The following CAMKMT variants were observed in gnomAD, a reference collection of about 807,000 sequenced individuals.
CAMKMT encodes the protein CaM KMT.
A neutral mutation model predicts 48.0 loss-of-function variants in CAMKMT; 53 were observed. That is an observed-to-expected ratio of 1.10 (90% CI 0.89 to 1.39). CAMKMT has a LOEUF of 1.39. CAMKMT is among the 40% of genes most tolerant of loss of function. CAMKMT has a pLI of 0.00. For synonymous variants in CAMKMT, 165 were observed against 152.3 expected (o/e 1.08, Z -0.61); for missense variants, 428 against 402.7 (o/e 1.06, Z -0.54).
At chr2:44,598,896 A>C (rs193260570) in intron 3 of CAMKMT, among the ~76,000 whole-genome samples, 4 of 151,776 alleles carry the variant, frequency 2.6e-5, no homozygotes, top group African/African-American at 9.7e-5. Flanking sequence ...CAAGTTGCTA[A>C]CTGGAATTGC....
At chr2:44,585,020 A>C (rs1558721747) in intron 3 of CAMKMT, among the ~76,000 whole-genome samples, 1 of 151,562 alleles carries the variant, frequency 6.6e-6, no homozygotes, top group Non-Finnish European at 1.5e-5. Context: ...GCACCACTGC[A>C]CTCCAGCCTG....
chr2:44,648,246 G>A (rs1219969366), intron 3 of CAMKMT, among the ~76,000 whole-genome samples: 1 of 152,040 alleles, frequency 6.6e-6, no homozygotes, highest in Non-Finnish European at 1.5e-5. Flanking sequence ...AGCTCTGGAA[G>A]GCCCACCTAA....
intron 3 of CAMKMT, among the ~76,000 whole-genome samples, chr2:44,575,450 C>G (rs1361444435): frequency 1.3e-5 from 2 of 151,996 alleles, no homozygotes; most frequent in Non-Finnish European, 2.9e-5. Flanking sequence ...TAGGTCTTGC[C>G]CATTGTTGTT....
chr2:44,412,789 A>G (rs1683298252), intron 3 of CAMKMT, among the ~76,000 whole-genome samples: 1 of 151,912 alleles, frequency 6.6e-6, no homozygotes, highest in African/African-American at 2.4e-5. Context: ...GTTTAAAAAT[A>G]AAGAGGCTGG....
At chr2:44,483,180 C>T (rs1669058824) in intron 3 of CAMKMT, among the ~76,000 whole-genome samples, 1 of 152,156 alleles carries the variant, frequency 6.6e-6, no homozygotes, top group African/African-American at 2.4e-5. Flanking sequence ...ATAGATATGT[C>T]ACCCTCAGTC....
chr2:44,509,288 CA>C (rs564572087), intron 3 of CAMKMT, among the ~76,000 whole-genome samples: 86 of 150,782 alleles, frequency 5.7e-4, no homozygotes, highest in African/African-American at 2.0e-3. Flanking sequence ...TAGACTATTA[CA>C]AAAAAAAAGT....
In CAMKMT at chr2:44,593,997, A is replaced by G. The variant is rs994549036; in HGVS notation, c.377-110286A>G. Among the ~76,000 whole-genome samples, 7 of 152,048 alleles carry G rather than the reference A, an allele frequency of 4.6e-5. No homozygotes were observed. The South Asian group carries it at 6.2e-4, about 14-fold the overall frequency. ...AGGCTGGTCTCGAACTCCCCACCTC[A>G]GGTGATCTGCCCACCTCAGCCTCCA... On this transcript the variant is annotated intron_variant, in intron 3 of 10. Coordinates refer to ENST00000378494, the MANE Select transcript of CAMKMT (RefSeq NM_024766.5).
At chr2:44,641,259 A>C (rs1673435754) in intron 3 of CAMKMT, among the ~76,000 whole-genome samples, 1 of 152,162 alleles carries the variant, frequency 6.6e-6, no homozygotes, top group African/African-American at 2.4e-5. Flanking sequence ...AGATTCTAGC[A>C]TAGATGACCT....
chr2:44,390,240 G>T lies in CAMKMT; in HGVS notation c.312-1G>T. The T allele has an allele frequency of 6.2e-7, 1 of 1,603,652 alleles. No individual in the cohort carries two copies. Among genetic ancestry groups the T allele is most frequent in the Non-Finnish European group, 8.5e-7 (1 of 1,176,486 alleles). The stretch of plus-strand genomic sequence containing the variant: ...AAAGCAAACGCTTTACTCCTTTCTA[G>T]GCATAATAGTGGATCCTTGAATGTT... On this transcript the variant is annotated splice_acceptor_variant, in intron 2 of 10. Coordinates refer to ENST00000378494, the MANE Select transcript of CAMKMT (RefSeq NM_024766.5). LOFTEE classifies it high-confidence loss of function.
chr2:44,688,538 A>G (rs1264583972), intron 3 of CAMKMT, among the ~76,000 whole-genome samples: 3 of 152,146 alleles, frequency 2.0e-5, no homozygotes, highest in Non-Finnish European at 4.4e-5. Context: ...TCTGAATGTC[A>G]TATATTTAAT....
chr2:44,416,003 T>C (rs546241457), intron 3 of CAMKMT, among the ~76,000 whole-genome samples: 63 of 152,362 alleles, frequency 4.1e-4, no homozygotes, highest in Admixed American at 9.1e-4. Flanking sequence ...TCAATCTAAA[T>C]GTGAACTAAC....
At chr2:44,660,076 A>G (rs1359962565) in intron 3 of CAMKMT, among the ~76,000 whole-genome samples, 2 of 152,248 alleles carry the variant, frequency 1.3e-5, no homozygotes, top group East Asian at 1.9e-4. Context: ...TAAACTCATT[A>G]TGTCTTAACA....
At chr2:44,406,200 C>T (rs1011628394) in intron 3 of CAMKMT, among the ~76,000 whole-genome samples, 2 of 152,074 alleles carry the variant, frequency 1.3e-5, no homozygotes, top group Non-Finnish European at 2.9e-5. Flanking sequence ...TAGTATGCCT[C>T]TAATTATATT....
intron 3 of CAMKMT, among the ~76,000 whole-genome samples, chr2:44,628,399 T>A (rs1300415814): frequency 6.6e-6 from 1 of 152,156 alleles, no homozygotes; most frequent in Non-Finnish European, 1.5e-5. Flanking sequence ...TCTTTCTCCT[T>A]TTATCTTTTC....
chr2:44,418,427 TTTG>T (rs1477783017), intron 3 of CAMKMT, among the ~76,000 whole-genome samples: 2 of 151,592 alleles, frequency 1.3e-5, no homozygotes, highest in Non-Finnish European at 2.9e-5. Flanking sequence ...TTAAGGTTCT[TTTG>T]TTGTTGTTTT....
intron 3 of CAMKMT, among the ~76,000 whole-genome samples, chr2:44,679,368 T>C (rs891016338): frequency 6.6e-6 from 1 of 152,232 alleles, no homozygotes; most frequent in Admixed American, 6.5e-5. Flanking sequence ...CCACTCTGAT[T>C]ACTTGCCTCC....
intron 3 of CAMKMT, among the ~76,000 whole-genome samples, chr2:44,678,097 T>G (rs1365922359): frequency 6.6e-6 from 1 of 152,154 alleles, no homozygotes; most frequent in Non-Finnish European, 1.5e-5. Context: ...CTAACTGTGT[T>G]CCTTACCTAG....
intron 3 of CAMKMT, among the ~76,000 whole-genome samples, chr2:44,480,319 C>A (rs1668902881): frequency 6.6e-6 from 1 of 152,178 alleles, no homozygotes; most frequent in African/African-American, 2.4e-5. Context: ...CATACACACA[C>A]CCTCCACACA....
chr2:44,377,065 G>C (rs1679772714), intron 2 of CAMKMT, among the ~76,000 whole-genome samples: 1 of 151,816 alleles, frequency 6.6e-6, no homozygotes, highest in African/African-American at 2.4e-5. Context: ...GGTATGCAGT[G>C]GCATGATCAT....
Sources: gnomAD v4.1 joint callset for allele counts (sites outside exome capture counted in the v4.1 genomes callset) on GRCh38, gnomAD v4.1.1 for gene constraint, MANE v1.5 for transcripts, NCBI Gene and HGNC (gene_info 2026-07-23, HGNC 2026-07-21) for gene names.